Variants in DENND2A observed in about 807,000 individuals in gnomAD.
DENND2A encodes the protein DENN domain containing 2A, also known as DENN domain-containing protein 2A.
DENND2A carries 53 observed loss-of-function variants against 105.3 expected under a neutral mutation model. The observed-to-expected ratio is 0.50, with a 90% CI of 0.40 to 0.63. The LOEUF is 0.63. Among genes scored for constraint, DENND2A ranks in the 30% least tolerant of loss-of-function variants. DENND2A has a pLI of 0.00. For synonymous variants in DENND2A, 522 were observed against 508.4 expected, an observed-to-expected ratio of 1.03 and a Z score of -0.36; for missense variants, 1,138 against 1,279.6, an observed-to-expected ratio of 0.89 and a Z score of 1.69.
intron 13 of DENND2A, among the ~76,000 whole-genome samples, chr7:140,545,386 T>C (rs911910224): frequency 2.6e-5 from 4 of 152,216 alleles, no homozygotes; most frequent in Admixed American, 6.5e-5. Flanking sequence ...AGTCTTACTC[T>C]GTTGCCCAGG....
intron 14 of DENND2A, among the ~76,000 whole-genome samples, chr7:140,532,308 G>A (rs1796299837): frequency 2.0e-5 from 3 of 152,120 alleles, no homozygotes; most frequent in Admixed American, 2.0e-4. Context: ...ATCCCTGCAT[G>A]AAGGTATTTT....
At chr7:140,542,699 A>T (rs774696896) in intron 14 of DENND2A, among the ~76,000 whole-genome samples, 3 of 149,976 alleles carry the variant, frequency 2.0e-5, no homozygotes, top group Non-Finnish European at 2.9e-5. Context: ...GGTAGCTGGG[A>T]TTACAGGCGT....
chr7:140,576,331 A>C (rs972443906), intron 5 of DENND2A, among the ~76,000 whole-genome samples: 4 of 152,166 alleles, frequency 2.6e-5, no homozygotes, highest in African/African-American at 9.6e-5. Context: ...TTGCCTAAAA[A>C]AACTATCTCC....
At chr7:140,578,453 A>G (rs1798398614) in intron 5 of DENND2A, among the ~76,000 whole-genome samples, 1 of 152,158 alleles carries the variant, frequency 6.6e-6, no homozygotes, top group Admixed American at 6.5e-5. Flanking sequence ...CCATCTCAAC[A>G]TCATTCCTAC....
chr7:140,583,739 G>T (rs1441220361), intron 5 of DENND2A, among the ~76,000 whole-genome samples: 2 of 149,130 alleles, frequency 1.3e-5, no homozygotes, highest in Non-Finnish European at 2.9e-5. Context: ...ACCATCCTGT[G>T]AATGGTGAAA....
intron 1 of DENND2A, among the ~76,000 whole-genome samples, chr7:140,636,639 G>T (rs1327953398): frequency 6.6e-6 from 1 of 151,476 alleles, no homozygotes; most frequent in Non-Finnish European, 1.5e-5. Flanking sequence ...CTGATGCCAG[G>T]CAGTGAGCCC....
intron 1 of DENND2A, among the ~76,000 whole-genome samples, chr7:140,620,712 C>A (rs1000772411): frequency 6.6e-6 from 1 of 152,292 alleles, no homozygotes; most frequent in Non-Finnish European, 1.5e-5. Flanking sequence ...CATCACTCCG[C>A]ACCGGTTTTG....
rs994555289 is a variant in DENND2A, at chr7:140,523,404, G to A, written c.2568C>T (p.Ile856=). ...GGGCCACCTGAAGCTTCCGGGGCAG[G>A]ATGGAGTCCTCATCGTCCATCTGGA... ...FLRQMDDEDS[I]LPRKLQVALE... The change falls in exon 17 of 20, where the codon ATC becomes ATT. Residue 856 remains isoleucine, a synonymous_variant. Transcript: ENST00000496613. The surrounding 1 kb of genome is among the most constrained non-coding windows in gnomAD (Gnocchi z 4.5). 6.2e-7 allele frequency: 1 copy of A among 1,614,054 alleles called. No homozygotes were observed. Among genetic ancestry groups the A allele is most frequent in the Non-Finnish European group, 8.5e-7 (1 of 1,180,044 alleles).
rs146659860 is a variant in DENND2A, at chr7:140,578,565, T to C, written c.1246-4557A>G. Among the ~76,000 whole-genome samples, 315 of 152,188 alleles carry C rather than the reference T, an allele frequency of 2.1e-3. 1 individual carries two copies. The highest frequency in any genetic ancestry group is 7.3e-3 in the African/African-American group (303 of 41,530). Reference sequence around the variant, plus strand: ...ATTCTTGCATGAAAAAAGAGACACTTCTCTAAATATATATACAGAGAAAGG... The same window carrying C: ...ATTCTTGCATGAAAAAAGAGACACTCCTCTAAATATATATACAGAGAAAGG... On this transcript the variant is annotated intron_variant, in intron 5 of 19. Transcript: ENST00000496613.
chr7:140,536,050 C>T (rs1227714898), intron 14 of DENND2A, among the ~76,000 whole-genome samples: 2 of 152,136 alleles, frequency 1.3e-5, no homozygotes, highest in Admixed American at 1.3e-4. Context: ...TGGTGACACT[C>T]ACTAAGAAAT....
Position 140,537,047 on chromosome 7 carries a change from C to T in DENND2A, c.2327+7571G>A, listed in dbSNP as rs551417024. ...CAACCATGCTGAGGACTAGCTAGACCTCTGAAGTATCTTATGGATGCCAGA... is the reference window on the plus strand; with the variant it reads ...CAACCATGCTGAGGACTAGCTAGACTTCTGAAGTATCTTATGGATGCCAGA... On this transcript the variant is annotated intron_variant, in intron 14 of 19. Transcript: ENST00000496613. 4.6e-5 allele frequency among the ~76,000 whole-genome samples: 7 copies of T among 152,302 alleles called. No individual in the cohort carries two copies. The South Asian group carries it at 1.5e-3, about 32-fold the overall frequency.
intron 1 of DENND2A, among the ~76,000 whole-genome samples, chr7:140,612,236 G>A (rs955691642): frequency 1.4e-5 from 2 of 145,444 alleles, no homozygotes; most frequent in South Asian, 2.1e-4. Context: ...GCGAAACTCC[G>A]TCTCAAGAAA....
At chr7:140,624,065 T>A (rs943802292) in intron 1 of DENND2A, among the ~76,000 whole-genome samples, 2 of 152,202 alleles carry the variant, frequency 1.3e-5, no homozygotes, top group Non-Finnish European at 2.9e-5. Context: ...AGAGTCCGGA[T>A]GAGCAGAAGG....
intron 9 of DENND2A, among the ~76,000 whole-genome samples, chr7:140,562,503 T>G (rs1242703332): frequency 6.6e-6 from 1 of 151,626 alleles, no homozygotes; most frequent in African/African-American, 2.4e-5. Flanking sequence ...CTACTAAAAA[T>G]ACAAAAAAAT....
At chr7:140,619,744 C>T (rs1038409373) in intron 1 of DENND2A, among the ~76,000 whole-genome samples, 1 of 152,020 alleles carries the variant, frequency 6.6e-6, no homozygotes, top group Non-Finnish European at 1.5e-5. Context: ...AAGTGATCTG[C>T]CTGCCTCGGC....
intron 1 of DENND2A, among the ~76,000 whole-genome samples, chr7:140,610,354 G>A (rs1799850178): frequency 6.6e-6 from 1 of 150,688 alleles, no homozygotes; most frequent in African/African-American, 2.4e-5. Flanking sequence ...GTTGGGTACT[G>A]CGGTCTACTC....
chr7:140,601,681 G>C lies in DENND2A; in HGVS notation c.717C>G (p.Cys239Trp), dbSNP rs755946915. The C allele has an allele frequency of 1.2e-6, 2 of 1,613,926 alleles. No individual in the cohort carries two copies. The highest frequency in any genetic ancestry group is 2.2e-5 in the East Asian group (1 of 44,864). ...PELVEDRKGS[C>W]RRPWDRSLEN... ...CAAGGCTCCGGTCCCAGGGCCTTCT[G>C]CATGAACCTTTCCTGTCCTCCACAA... is the stretch of plus-strand genomic sequence containing the variant. The change falls in exon 3 of 20, where the codon TGC becomes TGG. Residue 239 changes from cysteine to tryptophan, a missense_variant. Physicochemically the swap from Cys to Trp is radical, Grantham distance 215. Around this residue, in one of 2 missense-constraint regions of DENND2A, gnomAD observed 511 missense variants for 499.9 expected, o/e 1.02. Coordinates refer to ENST00000496613, the MANE Select transcript of DENND2A (RefSeq NM_015689.5).
At chr7:140,535,569 CTT>C (rs562088190) in intron 14 of DENND2A, among the ~76,000 whole-genome samples, 7 of 143,570 alleles carry the variant, frequency 4.9e-5, no homozygotes, top group Non-Finnish European at 9.2e-5. Context: ...CTTCCAGCTT[CTT>C]TTTTTTTTTT....
chr7:140,555,535 A>ATGAAGAGT (rs1797324817), intron 12 of DENND2A, 101 bp downstream of exon 12: 2 of 961,928 alleles, frequency 2.1e-6, no homozygotes, highest in Admixed American at 2.3e-5. Context: ...GTAGGTAGAG[A>ATGAAGAGT]ATAAGATGAT....
Sources: gnomAD v4.1 joint callset for allele counts (sites outside exome capture counted in the v4.1 genomes callset) on GRCh38, gnomAD v4.1.1 for gene constraint, gnomAD v4.1.1 regional missense constraint, Gnocchi (gnomAD v3.1) non-coding constraint, MANE v1.5 for transcripts, NCBI Gene and HGNC (gene_info 2026-07-23, HGNC 2026-07-21) for gene names.